The following SAMD5 variants were observed in gnomAD, a reference collection of about 807,000 sequenced individuals.
SAMD5 encodes sterile alpha motif domain-containing protein 5.
Under a neutral mutation model 11.3 loss-of-function variants are expected in SAMD5, and 13 were observed. The ratio of observed to expected loss-of-function variants is 1.15; its 90% CI spans 0.75 to 1.83. SAMD5 has a LOEUF of 1.83. Ranked by LOEUF, SAMD5 falls within the 40% of genes most tolerant of loss-of-function variation. The pLI is 0.00. For missense variants in SAMD5, 255 were observed against 239.1 expected, an observed-to-expected ratio of 1.07 and a Z score of -0.44; for synonymous variants, 129 against 111.3, an observed-to-expected ratio of 1.16 and a Z score of -1.00.
intron 1 of SAMD5, among the ~76,000 whole-genome samples, chr6:147,724,275 C>T (rs1791595623): frequency 6.6e-6 from 1 of 152,194 alleles, no homozygotes; most frequent in Non-Finnish European, 1.5e-5. Context: ...CTACAGGCGC[C>T]TGCCACCACA....
intron 1 of SAMD5, among the ~76,000 whole-genome samples, chr6:147,686,194 G>A (rs1791008706): frequency 1.3e-5 from 2 of 152,132 alleles, no homozygotes; most frequent in African/African-American, 4.8e-5. Flanking sequence ...ATTGGAATTA[G>A]TATTTCTTTG....
the SAMD5 span, among the ~76,000 whole-genome samples, chr6:147,814,062 G>A: frequency 3.4e-4 from 52 of 152,188 alleles, no homozygotes; most frequent in Non-Finnish European, 3.5e-4. Context: ...TATGCAACTC[G>A]GAGGGAGATT....
In SAMD5 at chr6:147,632,155, A is replaced by G. The variant is rs190989946; in HGVS notation, c.163-105162A>G. ...GCTTTTTTAGCTACCTTATCAGCAT[A>G]AGAGCTGCCCTGAGCGATGGGATCT... On this transcript the variant is annotated intron_variant, in intron 1 of 1. Transcript: ENST00000566741. Among the ~76,000 whole-genome samples the G allele has an allele frequency of 6.8e-4, 103 of 152,304 alleles. 1 individual carries two copies. The highest frequency in any genetic ancestry group is 2.3e-3 in the African/African-American group (94 of 41,570).
At chr6:147,576,422 A>G (rs1401586374) in intron 1 of SAMD5, among the ~76,000 whole-genome samples, 1 of 152,172 alleles carries the variant, frequency 6.6e-6, no homozygotes, top group Non-Finnish European at 1.5e-5. Context: ...TACAGGCGTG[A>G]GCCACTGTGC....
the SAMD5 span, among the ~76,000 whole-genome samples, chr6:147,853,452 G>A: frequency 0.36 from 54,889 of 151,530 alleles, 11,305 homozygotes; most frequent in African/African-American, 0.57. Flanking sequence ...ACCACCACCA[G>A]TGAGTAGACC....
intron 1 of SAMD5, among the ~76,000 whole-genome samples, chr6:147,712,768 A>C (rs1028467556): frequency 6.6e-6 from 1 of 151,810 alleles, no homozygotes; most frequent in Admixed American, 6.6e-5. Context: ...CTTACCAGAC[A>C]CCAAATCTGC....
At chr6:147,531,669 A>G (rs1255910245) in intron 1 of SAMD5, among the ~76,000 whole-genome samples, 3 of 152,256 alleles carry the variant, frequency 2.0e-5, no homozygotes, top group African/African-American at 7.2e-5. Context: ...ATGGCTTCCC[A>G]TATAAGAGCT....
chr6:147,877,513 C>T, the SAMD5 span, among the ~76,000 whole-genome samples: 1 of 152,080 alleles, frequency 6.6e-6, no homozygotes, highest in East Asian at 1.9e-4. Flanking sequence ...TTGACAAGTG[C>T]AATGATTAAT....
the SAMD5 span, among the ~76,000 whole-genome samples, chr6:147,797,710 G>C: frequency 7.2e-6 from 1 of 138,754 alleles, no homozygotes; most frequent in African/African-American, 2.9e-5. Context: ...GACTCTTTTT[G>C]GTTGGTAAGC....
chr6:147,940,076 TGA>T, the SAMD5 span, among the ~76,000 whole-genome samples: 1 of 152,126 alleles, frequency 6.6e-6, no homozygotes. Flanking sequence ...TTAGATAGTA[TGA>T]CCCACTTTGG....
chr6:147,863,715 T>C, the SAMD5 span, among the ~76,000 whole-genome samples: 4 of 152,058 alleles, frequency 2.6e-5, no homozygotes, highest in African/African-American at 9.7e-5. Context: ...CCTGACATCA[T>C]AGTATCTTGG....
chr6:147,664,856 G>C (rs1027354175), intron 1 of SAMD5, among the ~76,000 whole-genome samples: 1 of 152,070 alleles, frequency 6.6e-6, no homozygotes, highest in Non-Finnish European at 1.5e-5. Context: ...GCATTTGCTG[G>C]TAGAATTATA....
the SAMD5 span, among the ~76,000 whole-genome samples, chr6:147,916,555 A>T: frequency 0.6 from 91,804 of 151,794 alleles, 28,890 homozygotes; most frequent in African/African-American, 0.79. Context: ...TGTCTTTTTT[A>T]AAATTTTATT....
chr6:147,932,964 A>T, the SAMD5 span, among the ~76,000 whole-genome samples: 3 of 152,166 alleles, frequency 2.0e-5, no homozygotes, highest in Non-Finnish European at 4.4e-5. Flanking sequence ...AGATTCATCA[A>T]TTTTTTCATC....
At chr6:147,597,436 G>A (rs1789548983) in intron 1 of SAMD5, among the ~76,000 whole-genome samples, 2 of 152,088 alleles carry the variant, frequency 1.3e-5, no homozygotes, top group Admixed American at 6.6e-5. Context: ...AAATCTATTT[G>A]TAATTACTTG....
At chr6:147,837,243 T>A in the SAMD5 span, among the ~76,000 whole-genome samples, 2 of 152,174 alleles carry the variant, frequency 1.3e-5, no homozygotes, top group African/African-American at 4.8e-5. Flanking sequence ...TCTCAAAGCT[T>A]CTTCTTACCC....
chr6:147,741,763 G>C (rs1002217669), downstream of SAMD5: 3 of 152,182 alleles, frequency 2.0e-5, no homozygotes. Flanking sequence ...AGGGTAGTGT[G>C]TTACCACGAA....
rs182393404 is a variant in SAMD5, at chr6:147,690,649, A to T, written c.163-46668A>T. Among the ~76,000 whole-genome samples the T allele has an allele frequency of 1.6e-3, 246 of 152,304 alleles. 1 individual carries two copies. The highest frequency in any genetic ancestry group is 0.01 in the Middle Eastern group (3 of 294). ...GGGTGACAGAGTGAGACTGTCTCAA[A>T]AAATAAATAAATAAATAAATCCCAT... is the stretch of plus-strand genomic sequence containing the variant. On this transcript the variant is annotated intron_variant, in intron 1 of 1. Transcript: ENST00000566741.
chr6:147,803,183 T>TG, the SAMD5 span, among the ~76,000 whole-genome samples: 7 of 107,246 alleles, frequency 6.5e-5, no homozygotes, highest in Non-Finnish European at 1.3e-4. Context: ...GTGTGTGTGT[T>TG]TTACATAGAT....
Sources: allele counts gnomAD v4.1 joint callset (sites outside exome capture counted in the v4.1 genomes callset), GRCh38; gene constraint gnomAD v4.1.1; transcripts MANE v1.5; gene names NCBI Gene and HGNC (gene_info 2026-07-23, HGNC 2026-07-21).